Variants in GPHN observed in about 807,000 individuals in gnomAD.
GPHN encodes gephyrin.
In GPHN, 17 loss-of-function variants were observed where a neutral mutation model predicts 95.5. The observed-to-expected ratio is 0.18, with a 90% CI of 0.12 to 0.27. GPHN has a LOEUF of 0.27. Ranked by LOEUF, GPHN falls within the 10% of genes least tolerant of loss-of-function variation. The probability of loss-of-function intolerance (pLI) is 1.00; values close to 1 mark genes in which losing one functional copy is unlikely to be tolerated. For missense variants in GPHN, 660 were observed against 978.1 expected (o/e 0.67, Z 4.34); for synonymous variants, 320 against 322.5 (o/e 0.99, Z 0.08).
intron 9 of GPHN, among the ~76,000 whole-genome samples, chr14:66,993,003 C>T (rs1321810526): frequency 1.3e-5 from 2 of 152,042 alleles, no homozygotes; most frequent in East Asian, 3.9e-4. Flanking sequence ...TTGCTGAGTC[C>T]TGCTGTAACT....
At chr14:67,399,188 A>C in the GPHN span, among the ~76,000 whole-genome samples, 1 of 151,140 alleles carries the variant, frequency 6.6e-6, no homozygotes, top group African/African-American at 2.5e-5. Flanking sequence ...AGAGAAGGGT[A>C]GTTTAGGTGG....
In GPHN at chr14:67,099,270, C is replaced by T. The variant is rs1251009535; in HGVS notation, c.1238-1586C>T. ...GATTACAGGCATGTGCCACCATGCC[C>T]GGCTAATTTTTGTATTTTATTTTGT... On this transcript the variant is annotated intron_variant, in intron 12 of 22. Transcript: ENST00000478722. Among the ~76,000 whole-genome samples, 6 of 152,064 alleles carry T rather than the reference C, an allele frequency of 3.9e-5. No individual in the cohort carries two copies. The South Asian group carries it at 6.2e-4, about 16-fold the overall frequency.
intron 9 of GPHN, among the ~76,000 whole-genome samples, chr14:67,014,133 C>T (rs1292118055): frequency 1.3e-5 from 2 of 151,914 alleles, no homozygotes; most frequent in East Asian, 1.9e-4. Flanking sequence ...TATTACAGGC[C>T]TAGAATATCA....
chr14:67,303,427 C>A, the GPHN span: 1 of 953,064 alleles, frequency 1.0e-6, no homozygotes, highest in Non-Finnish European at 1.7e-6. Context: ...TGGAGGGGTT[C>A]TGAAATAGTC....
At chr14:67,320,306 C>A in the GPHN span, 1 of 1,613,914 alleles carries the variant, frequency 6.2e-7, no homozygotes, top group South Asian at 1.1e-5. Flanking sequence ...AGAGACCTAT[C>A]ATCTTGATTG....
chr14:67,662,161 A>AAACAAC, the GPHN span, among the ~76,000 whole-genome samples: 1 of 151,104 alleles, frequency 6.6e-6, no homozygotes, highest in Non-Finnish European at 1.5e-5. Flanking sequence ...GTCTCAAAAC[A>AAACAAC]AACAACAACA....
chr14:67,127,027 A>T (rs1265630411), intron 17 of GPHN, among the ~76,000 whole-genome samples: 1 of 148,778 alleles, frequency 6.7e-6, no homozygotes, highest in Admixed American at 6.8e-5. Context: ...GTTCTCACTC[A>T]TAGGTGGGAA....
the GPHN span, chr14:67,678,389 G>C: frequency 6.2e-7 from 1 of 1,613,866 alleles, no homozygotes; most frequent in East Asian, 2.2e-5. Flanking sequence ...GTCTCATTAC[G>C]AGCTTGGGCA....
chr14:67,572,073 C>A, the GPHN span: 4 of 1,554,272 alleles, frequency 2.6e-6, no homozygotes, highest in Non-Finnish European at 3.5e-6. Context: ...CTCAGCAGCT[C>A]CTGGGCTGCG....
At chr14:66,595,193 G>T (rs1323565741) in intron 1 of GPHN, among the ~76,000 whole-genome samples, 7 of 152,154 alleles carry the variant, frequency 4.6e-5, no homozygotes. Context: ...GAAGACTGTT[G>T]GTTGGGTTGT....
chr14:67,011,573 CAAAA>C (rs201978777), intron 9 of GPHN, among the ~76,000 whole-genome samples: 2 of 63,182 alleles, frequency 3.2e-5, no homozygotes, highest in Admixed American at 3.8e-4. Flanking sequence ...GACCTTGCCT[CAAAA>C]AAAAAAAAAA....
the GPHN span, chr14:67,312,398 T>G: frequency 1.7e-6 from 1 of 585,680 alleles, no homozygotes; most frequent in Non-Finnish European, 2.7e-6. Context: ...GACAACATAC[T>G]GAGATGCTGT....
At chr14:67,422,816 C>T in the GPHN span, among the ~76,000 whole-genome samples, 1 of 148,428 alleles carries the variant, frequency 6.7e-6, no homozygotes, top group Non-Finnish European at 1.5e-5. Context: ...AAAACCTAGG[C>T]TTTCCCCATC....
intron 2 of GPHN, among the ~76,000 whole-genome samples, chr14:66,703,865 A>G (rs985262265): frequency 4.5e-4 from 69 of 152,068 alleles, no homozygotes; most frequent in Admixed American, 7.2e-4. Context: ...TTCAAGACCT[A>G]TTGGTGTGCT....
intron 20 of GPHN, 35 bp from the exon 21 acceptor site, chr14:67,168,898 A>G: frequency 7.8e-7 from 1 of 1,277,932 alleles, no homozygotes. Context: ...ATTGTTACAC[A>G]GTGTATTATA....
chr14:67,152,111 A>G (rs2081317382), intron 18 of GPHN, among the ~76,000 whole-genome samples: 1 of 152,042 alleles, frequency 6.6e-6, no homozygotes, highest in Non-Finnish European at 1.5e-5. Context: ...TTCTTGGCTT[A>G]CTCACTGTAC....
intron 1 of GPHN, among the ~76,000 whole-genome samples, chr14:66,546,285 G>C (rs1234487338): frequency 2.0e-5 from 3 of 151,570 alleles, no homozygotes; most frequent in African/African-American, 7.3e-5. Context: ...TCACTTTCCA[G>C]ACTGGGCAGC....
the GPHN span, among the ~76,000 whole-genome samples, chr14:67,642,788 ATTTTCTT>A: frequency 3.0e-5 from 1 of 33,734 alleles, no homozygotes; most frequent in Non-Finnish European, 6.7e-5. Flanking sequence ...ATGTTACTAC[ATTTTCTT>A]TTTTTTTTTT....
chr14:67,329,911 C>A, the GPHN span, among the ~76,000 whole-genome samples: 3,005 of 151,138 alleles, frequency 0.02, 39 homozygotes, highest in Middle Eastern at 0.034. Context: ...GATGGTGTTA[C>A]TCACTGGATG....
Sources: gnomAD v4.1 joint callset for allele counts (sites outside exome capture counted in the v4.1 genomes callset) on GRCh38, gnomAD v4.1.1 for gene constraint, MANE v1.5 for transcripts, NCBI Gene and HGNC (gene_info 2026-07-23, HGNC 2026-07-21) for gene names.